Variants in QRICH1 observed in about 807,000 individuals in gnomAD.
QRICH1 encodes glutamine rich 1, also known as transcriptional regulator QRICH1.
Under a neutral mutation model 87.1 loss-of-function variants are expected in QRICH1, and 16 were observed. The observed-to-expected ratio is 0.18, with a 90% CI of 0.12 to 0.28. QRICH1 has a LOEUF of 0.28. QRICH1 is among the 10% of genes least tolerant of loss of function. The probability of loss-of-function intolerance (pLI) is 1.00; values close to 1 mark genes in which losing one functional copy is unlikely to be tolerated. For synonymous variants in QRICH1, 367 were observed against 368.4 expected, an observed-to-expected ratio of 1.00 and a Z score of 0.05; for missense variants, 647 against 951.7, an observed-to-expected ratio of 0.68 and a Z score of 4.21.
intron 3 of QRICH1, among the ~76,000 whole-genome samples, chr3:49,052,149 A>G (rs987823073): frequency 2.6e-5 from 4 of 152,078 alleles, no homozygotes; most frequent in African/African-American, 9.7e-5. Context: ...TGGAGATGAT[A>G]TAAGAGATTT....
At chr3:49,094,314 C>T (rs141658262), upstream of QRICH1, 14 of 344,206 alleles carry the variant, frequency 4.1e-5, no homozygotes, top group Middle Eastern at 1.5e-3. Context: ...GGCTAGGGCT[C>T]CAAGCTAGCT....
chr3:49,056,737 T>C (rs2093404507), intron 3 of QRICH1, 125 bp downstream of exon 3: 1 of 1,463,100 alleles, frequency 6.8e-7, no homozygotes, highest in South Asian at 1.3e-5. Flanking sequence ...TTCTCCCAAA[T>C]ACTAAATACT....
intron 1 of QRICH1, among the ~76,000 whole-genome samples, chr3:49,087,682 T>C (rs2042191881): frequency 1.3e-5 from 2 of 151,208 alleles, no homozygotes; most frequent in South Asian, 4.2e-4. Flanking sequence ...AAGACCAGCC[T>C]GGCCAACATG....
chr3:49,075,011 T>C (rs1254782110), intron 2 of QRICH1, among the ~76,000 whole-genome samples: 1 of 151,714 alleles, frequency 6.6e-6, no homozygotes, highest in African/African-American at 2.4e-5. Flanking sequence ...GTGGTGTTTT[T>C]AGTTTACAGT....
chr3:49,065,123 C>A (rs1346994610), intron 2 of QRICH1, among the ~76,000 whole-genome samples: 2 of 150,804 alleles, frequency 1.3e-5, no homozygotes, highest in Admixed American at 1.3e-4. Flanking sequence ...CATTGTTTTA[C>A]ATTTTTGGAA....
At chr3:49,064,234 ATTTTTTTTTTTT>A (rs1029737044) in intron 2 of QRICH1, among the ~76,000 whole-genome samples, 5 of 92,322 alleles carry the variant, frequency 5.4e-5, no homozygotes, top group East Asian at 3.1e-4. Flanking sequence ...GCTGGCCCTA[ATTTTTTTTTTTT>A]TTTTTTTTTT....
intron 2 of QRICH1, among the ~76,000 whole-genome samples, chr3:49,059,588 T>G (rs1038729886): frequency 4.0e-5 from 6 of 149,926 alleles, no homozygotes; most frequent in Non-Finnish European, 8.9e-5. Flanking sequence ...CCCAGCTAAT[T>G]TCTGTATTTT....
At chr3:49,043,514 AAAAAAAAAAG>A (rs2093322633) in intron 6 of QRICH1, among the ~76,000 whole-genome samples, 1 of 131,082 alleles carries the variant, frequency 7.6e-6, no homozygotes, top group African/African-American at 2.7e-5. Context: ...AAAAAAAAAA[AAAAAAAAAAG>A]TCTATTAAAA....
intron 2 of QRICH1, among the ~76,000 whole-genome samples, chr3:49,058,285 G>A (rs2093415004): frequency 1.3e-5 from 2 of 151,574 alleles, no homozygotes; most frequent in Non-Finnish European, 2.9e-5. Flanking sequence ...AGAGTAGCTG[G>A]GATTACAGAC....
intron 5 of QRICH1, 105 bp from the exon 6 acceptor site, chr3:49,044,609 T>C (rs562150181): frequency 1.3e-6 from 1 of 759,038 alleles, no homozygotes; most frequent in African/African-American, 1.8e-5. Flanking sequence ...TCCCTACCCA[T>C]TCACACCTCA....
chr3:49,077,066 G>A (rs2041965823), intron 1 of QRICH1, 28 bp from the exon 2 acceptor site: 1 of 1,307,432 alleles, frequency 7.6e-7, no homozygotes, highest in Non-Finnish European at 1.0e-6. Flanking sequence ...TCAAAATTAT[G>A]TTACTGTTTT....
chr3:49,091,900 G>A (rs1004369645), intron 1 of QRICH1, among the ~76,000 whole-genome samples: 16 of 151,946 alleles, frequency 1.1e-4, no homozygotes, highest in African/African-American at 2.9e-4. Flanking sequence ...GTGAAACCCC[G>A]TCTATACTAC....
chr3:49,071,047 C>T (rs1003297827), intron 2 of QRICH1, among the ~76,000 whole-genome samples: 2 of 142,202 alleles, frequency 1.4e-5, no homozygotes, highest in Non-Finnish European at 3.0e-5. Flanking sequence ...TCAAAAAACA[C>T]TCCAAACTTA....
intron 2 of QRICH1, among the ~76,000 whole-genome samples, chr3:49,070,882 G>A (rs1268006799): frequency 1.3e-5 from 2 of 152,070 alleles, no homozygotes; most frequent in East Asian, 1.9e-4. Flanking sequence ...GGAGAAAGAC[G>A]AACGTTAATA....
At chr3:49,055,571 C>T (rs943785796) in intron 3 of QRICH1, among the ~76,000 whole-genome samples, 1 of 152,202 alleles carries the variant, frequency 6.6e-6, no homozygotes, top group African/African-American at 2.4e-5. Flanking sequence ...CTATATTGCC[C>T]AGGCTGATCT....
chr3:49,062,612 T>C (rs1216842593), intron 2 of QRICH1, among the ~76,000 whole-genome samples: 1 of 151,296 alleles, frequency 6.6e-6, no homozygotes, highest in African/African-American at 2.4e-5. Flanking sequence ...CCACCTGCCT[T>C]GGCCTCCCAA....
rs202161176 is a variant in QRICH1, at chr3:49,057,615, G to T, written c.585C>A (p.Ile195=). ...ACTGGCCAGCCACCAGCTGAGCCTG[G>T]ATTTGCTGATGTGGGATGTGCTCCT... The part of the protein sequence containing the change: ...IPEEHIPHQQ[I]QAQLVAGQSL... The change falls in exon 3 of 10, where the codon ATC becomes ATA. Residue 195 remains isoleucine, a synonymous_variant. Coordinates refer to ENST00000395443, the MANE Select transcript of QRICH1 (RefSeq NM_198880.3). The surrounding 1 kb of genome is among the most constrained non-coding windows in gnomAD (Gnocchi z 5.4). The T allele has an allele frequency of 6.2e-7, 1 of 1,614,184 alleles. No homozygotes were observed. The highest frequency in any genetic ancestry group is 1.3e-5 in the African/African-American group (1 of 75,070).
Position 49,030,991 on chromosome 3 carries a change from C to CTTT in QRICH1, c.2139-350_2139-348dup, listed in dbSNP as rs1162254467. On this transcript the variant is annotated intron_variant, in intron 9 of 9. Transcript: ENST00000395443. ...AAGCGTCTATCTCCAAGTCTTTGCG[C>CTTT]TTTTTTTTTTTTTTTTTTTGAGATG... is the stretch of plus-strand genomic sequence containing the variant. 2.9e-4 allele frequency among the ~76,000 whole-genome samples: 39 copies of CTTT among 132,450 alleles called. 1 individual carries two copies. The East Asian group carries it at 4.9e-3, about 17-fold the overall frequency. The allele number at this position is 132,450 out of a possible 152,430, so 86.9% of individuals were successfully genotyped here.
chr3:49,050,475 T>C (rs1165193176), intron 3 of QRICH1, among the ~76,000 whole-genome samples: 1 of 128,806 alleles, frequency 7.8e-6, no homozygotes, highest in African/African-American at 2.9e-5. Context: ...AAAGGTGCTA[T>C]AAAATGGCAA....
Sources: gnomAD v4.1 joint callset for allele counts (sites outside exome capture counted in the v4.1 genomes callset) on GRCh38, gnomAD v4.1.1 for gene constraint, Gnocchi (gnomAD v3.1) non-coding constraint, MANE v1.5 for transcripts, NCBI Gene and HGNC (gene_info 2026-07-23, HGNC 2026-07-21) for gene names.